Variants in ZNF540 observed in about 807,000 individuals in gnomAD.
ZNF540 encodes CTD-3064H18.6.
ZNF540 carries 3 observed loss-of-function variants against 11.8 expected under a neutral mutation model. The observed-to-expected ratio is 0.25, with a 90% CI of 0.12 to 0.65. The LOEUF (loss-of-function observed/expected upper bound fraction) is 0.65, where lower values mean the gene tolerates loss of function less well. Among genes scored for constraint, ZNF540 ranks in the 30% least tolerant of loss-of-function variants. The probability of loss-of-function intolerance (pLI) is 0.83; values close to 1 mark genes in which losing one functional copy is unlikely to be tolerated. For synonymous variants in ZNF540, 247 were observed against 259.0 expected (o/e 0.95, Z 0.45); for missense variants, 709 against 793.1 (o/e 0.89, Z 1.27).
intron 1 of ZNF540, among the ~76,000 whole-genome samples, chr19:37,576,992 C>T (rs1462057043): frequency 1.3e-5 from 2 of 152,038 alleles, no homozygotes; most frequent in African/African-American, 4.8e-5. Context: ...TTCTGCAAAA[C>T]CTTAAAAGGT....
chr19:37,577,172 T>C (rs150802472), intron 1 of ZNF540, among the ~76,000 whole-genome samples: 62 of 152,284 alleles, frequency 4.1e-4, no homozygotes, highest in South Asian at 2.5e-3. Context: ...CTTAATTGAA[T>C]AGGGCCATGA....
Position 37,569,277 on chromosome 19 carries a change from A to C in ZNF540, c.-73+17612A>C, listed in dbSNP as rs953755608. Among the ~76,000 whole-genome samples, 1 of 152,048 alleles carries C rather than the reference A, an allele frequency of 6.6e-6. No homozygotes were observed. Among genetic ancestry groups the C allele is most frequent in the Admixed American group, 6.6e-5 (1 of 15,252 alleles). On this transcript the variant is annotated intron_variant, in intron 1 of 4. Transcript: ENST00000592533. The surrounding 1 kb of genome is among the most constrained non-coding windows in gnomAD (Gnocchi z 4.4). ...CCCAAAGCATCCGGAACCACAACAA[A>C]AACCTACTCAGTAATGTTATGAGAC...
At chr19:37,570,570 T>C (rs1436851481) in intron 1 of ZNF540, among the ~76,000 whole-genome samples, 1 of 152,214 alleles carries the variant, frequency 6.6e-6, no homozygotes, top group Non-Finnish European at 1.5e-5. Context: ...TGTAGTCTCT[T>C]TGGAGCAACT....
chr19:37,605,286 C>G (rs927591486), intron 4 of ZNF540, among the ~76,000 whole-genome samples: 16 of 151,784 alleles, frequency 1.1e-4, no homozygotes, highest in African/African-American at 3.9e-4. Flanking sequence ...CATGGCAAAC[C>G]CTGTCTCTAC....
At chr19:37,577,958 G>C (rs1186247460) in intron 1 of ZNF540, among the ~76,000 whole-genome samples, 1 of 152,196 alleles carries the variant, frequency 6.6e-6, no homozygotes, top group Non-Finnish European at 1.5e-5. Context: ...AGCAGTGGGC[G>C]AGTGAGCATC....
intron 1 of ZNF540, chr19:37,565,271 G>A (rs1377010425): frequency 2.6e-5 from 42 of 1,611,042 alleles, no homozygotes; most frequent in Non-Finnish European, 3.6e-5. Context: ...TCTCTCACCT[G>A]AATGAACTCT....
chr19:37,556,862 TG>T (rs1203522305), intron 1 of ZNF540, among the ~76,000 whole-genome samples: 1 of 152,172 alleles, frequency 6.6e-6, no homozygotes, highest in Non-Finnish European at 1.5e-5. Context: ...AGATTAATTT[TG>T]TAAGAGTGTT....
At chr19:37,558,797 A>G (rs2042687624) in intron 1 of ZNF540, among the ~76,000 whole-genome samples, 1 of 151,910 alleles carries the variant, frequency 6.6e-6, no homozygotes, top group South Asian at 2.1e-4. Flanking sequence ...AGTTTGTGTG[A>G]CTATTGCACA....
rs761299295 is a variant in ZNF540, at chr19:37,613,219, T to C, written c.1939T>C (p.Tyr647His). The change falls in exon 5 of 5, where the codon TAT (tyrosine) becomes CAT (histidine). Residue 647 changes from tyrosine to histidine, a missense_variant. Physicochemically the swap from Tyr to His is moderately conservative, Grantham distance 83 (BLOSUM62 2). Coordinates refer to ENST00000316433, the MANE Select transcript of ZNF540 (RefSeq NM_001172225.3). ...GGTATGTAGAAAGGCCTTTAGACAATATTCACATCTTTATCAACATCAGAA... is the reference window on the plus strand; with the variant it reads ...GGTATGTAGAAAGGCCTTTAGACAACATTCACATCTTTATCAACATCAGAA... Reference protein sequence around the residue: ...CKVCRKAFRQYSHLYQHQKTH... With the variant: ...CKVCRKAFRQHSHLYQHQKTH... The C allele has an allele frequency of 6.5e-7, 1 of 1,542,270 alleles. No homozygotes were observed.
In ZNF540 at chr19:37,613,478, C is replaced by A; in HGVS notation, c.*215C>A. 2.3e-6 allele frequency: 1 copy of A among 429,368 alleles called. No individual in the cohort carries two copies. The highest frequency in any genetic ancestry group is 4.1e-6 in the Non-Finnish European group (1 of 245,062). 26.6% of individuals were successfully genotyped at this position (429,368 alleles called of 1,614,324 possible). ...TTGTGGAAAAGTGTTCTAGCAACAGCATATACTTATCATCATTGCCTTTCC... is the reference window on the plus strand; with the variant it reads ...TTGTGGAAAAGTGTTCTAGCAACAGAATATACTTATCATCATTGCCTTTCC... On this transcript the variant is annotated 3_prime_UTR_variant, in exon 5 of 5. Coordinates refer to ENST00000316433, the MANE Select transcript of ZNF540 (RefSeq NM_001172225.3).
At chr19:37,588,593 C>G (rs1343851701) in intron 1 of ZNF540, among the ~76,000 whole-genome samples, 4 of 152,180 alleles carry the variant, frequency 2.6e-5, no homozygotes, top group Non-Finnish European at 2.9e-5. Context: ...AGCAAACCTA[C>G]CTACCTATCA....
intron 4 of ZNF540, among the ~76,000 whole-genome samples, chr19:37,608,450 A>C (rs1191707942): frequency 6.6e-6 from 1 of 152,118 alleles, no homozygotes. Flanking sequence ...TTTCTATTAA[A>C]GCCCTTAACA....
chr19:37,585,256 A>C (rs1017985981), intron 1 of ZNF540: 2 of 152,224 alleles, frequency 1.3e-5, no homozygotes, highest in Non-Finnish European at 2.9e-5. Flanking sequence ...CCACAACCTA[A>C]TCCCTGAAAC....
chr19:37,589,792 G>A lies in ZNF540; in HGVS notation c.-72-8584G>A, dbSNP rs527995153. Among the ~76,000 whole-genome samples, 20 of 141,670 alleles carry A rather than the reference G, an allele frequency of 1.4e-4. No individual in the cohort carries two copies. In the East Asian group the frequency reaches 4.4e-3, roughly 31 times the overall value. 92.9% of individuals were successfully genotyped at this position (141,670 alleles called of 152,430 possible). On this transcript the variant is annotated intron_variant, in intron 1 of 4. Coordinates refer to the ZNF540 transcript ENST00000592533. The stretch of plus-strand genomic sequence containing the variant: ...GAGGCAAAGAATTGCTTGAACCCGG[G>A]AGTTGGAGGTTACAGTGAGCCAAGA...
chr19:37,557,891 A>G (rs1600441495), intron 1 of ZNF540, among the ~76,000 whole-genome samples: 1 of 149,450 alleles, frequency 6.7e-6, no homozygotes, highest in African/African-American at 2.5e-5. Flanking sequence ...TGTAGCGGCT[A>G]CTGCTTGGCT....
At chr19:37,597,853 ACATGAGCATAGCTGTGTTC>A (rs2044008359) in intron 1 of ZNF540, among the ~76,000 whole-genome samples, 1 of 152,258 alleles carries the variant, frequency 6.6e-6, no homozygotes. Flanking sequence ...AGAAGTAAAC[ACATGAGCATAGCTGTGTTC>A]CATTCCAGCT....
chr19:37,584,331 G>A (rs1160764672), intron 1 of ZNF540, among the ~76,000 whole-genome samples: 1 of 152,164 alleles, frequency 6.6e-6, no homozygotes, highest in Non-Finnish European at 1.5e-5. Context: ...TAAAAAGCCA[G>A]ATGTGTGCAG....
At chr19:37,588,566 A>G (rs755960908) in intron 1 of ZNF540, among the ~76,000 whole-genome samples, 7 of 152,176 alleles carry the variant, frequency 4.6e-5, no homozygotes, top group Non-Finnish European at 1.0e-4. Flanking sequence ...GCACGGAGAG[A>G]AGGAGGAGGG....
intron 1 of ZNF540, chr19:37,560,853 A>G (rs963090972): frequency 6.6e-6 from 1 of 152,094 alleles, no homozygotes; most frequent in African/African-American, 2.4e-5. Context: ...ATGATTTATG[A>G]AATAAACATA....
Sources: gnomAD v4.1 joint callset for allele counts (sites outside exome capture counted in the v4.1 genomes callset) on GRCh38, gnomAD v4.1.1 for gene constraint, Gnocchi (gnomAD v3.1) non-coding constraint, MANE v1.5 for transcripts, NCBI Gene and HGNC (gene_info 2026-07-23, HGNC 2026-07-21) for gene names.